Variants in PLAA observed in about 807,000 individuals in gnomAD.
The protein encoded by PLAA is phospholipase A-2-activating protein.
Under a neutral mutation model 84.1 loss-of-function variants are expected in PLAA, and 48 were observed. The ratio of observed to expected loss-of-function variants is 0.57; its 90% CI spans 0.45 to 0.73. The LOEUF (loss-of-function observed/expected upper bound fraction) is 0.73, where lower values mean the gene tolerates loss of function less well. Ranked by LOEUF, PLAA falls within the 30% of genes least tolerant of loss-of-function variation. The probability of loss-of-function intolerance (pLI) is 0.00; values close to 1 mark genes in which losing one functional copy is unlikely to be tolerated. For missense variants in PLAA, 903 were observed against 954.7 expected, an observed-to-expected ratio of 0.95 and a Z score of 0.71; for synonymous variants, 392 against 336.6, an observed-to-expected ratio of 1.16 and a Z score of -1.80.
chr9:26,943,747 G>C (rs1825609296), intron 1 of PLAA, among the ~76,000 whole-genome samples: 4 of 152,016 alleles, frequency 2.6e-5, no homozygotes, highest in Admixed American at 2.6e-4. Flanking sequence ...AGGAGTTTGA[G>C]ACCAGCCTGG....
At chr9:26,941,615 A>G (rs1331365510) in intron 1 of PLAA, among the ~76,000 whole-genome samples, 1 of 152,214 alleles carries the variant, frequency 6.6e-6, no homozygotes, top group Admixed American at 6.5e-5. Context: ...ACCAATATGG[A>G]GGAAAACAGA....
intron 10 of PLAA, 97 bp from the exon 11 acceptor site, chr9:26,914,044 A>G (rs1824479216): frequency 4.8e-6 from 4 of 835,154 alleles, no homozygotes; most frequent in South Asian, 1.5e-5. Flanking sequence ...CACACTTCAC[A>G]ATGGCGTCAT....
At position 26,928,379 on chromosome 9, in the gene PLAA, T is replaced by A. The variant is rs1000305857; in HGVS notation, c.373A>T (p.Thr125Ser). ...VCSLSSGKFG[T>S]LLSGSWDTTA... is the part of the protein sequence containing the mutation. Reference sequence around the variant, plus strand: ...GTGTCCCATGAACCACTAAGTAATGTCCCAAATTTTCCAGATGATAGACTA... The same window carrying A: ...GTGTCCCATGAACCACTAAGTAATGACCCAAATTTTCCAGATGATAGACTA... The change falls in exon 3 of 14, where the codon ACA (threonine) becomes TCA (serine). Residue 125 changes from threonine (T) to serine (S), a missense_variant. Transcript: ENST00000397292. 4 of 1,613,380 alleles carry A rather than the reference T, an allele frequency of 2.5e-6. No homozygotes were observed. Among genetic ancestry groups the A allele is most frequent in the Non-Finnish European group, 3.4e-6 (4 of 1,179,414 alleles).
At chr9:26,926,628 C>A in intron 4 of PLAA, 68 bp from the exon 5 acceptor site, 1 of 1,143,444 alleles carries the variant, frequency 8.7e-7, no homozygotes, top group Admixed American at 2.1e-5. Context: ...ATACATTTTA[C>A]TAACATTATA....
chr9:26,946,350 T>TG lies in PLAA; in HGVS notation c.149+546dup, dbSNP rs1487919434. On this transcript the variant is annotated intron_variant, in intron 1 of 13. Coordinates refer to ENST00000397292, the MANE Select transcript of PLAA (RefSeq NM_001031689.3). ...CTGCTTCTCCTCAAGAAACAGCACATGCACAGAAACAAAACATCCGAGAGG... is the reference window on the plus strand; with the variant it reads ...CTGCTTCTCCTCAAGAAACAGCACATGGCACAGAAACAAAACATCCGAGAGG... Among the ~76,000 whole-genome samples, 3 of 151,712 alleles carry TG rather than the reference T, an allele frequency of 2.0e-5. No homozygotes were observed. In the East Asian group the frequency reaches 5.8e-4, roughly 29 times the overall value.
chr9:26,908,568 C>A (rs1473031109), intron 12 of PLAA, among the ~76,000 whole-genome samples: 2 of 151,940 alleles, frequency 1.3e-5, no homozygotes, highest in Admixed American at 6.6e-5. Flanking sequence ...GATTTTCAAG[C>A]GATTCTCCTG....
At chr9:26,923,841 T>C (rs1168704773) in intron 6 of PLAA, among the ~76,000 whole-genome samples, 1 of 152,202 alleles carries the variant, frequency 6.6e-6, no homozygotes, top group East Asian at 1.9e-4. Context: ...TGGCCGTCCT[T>C]AACCTCTTTT....
chr9:26,942,386 G>C (rs1825568787), intron 1 of PLAA, among the ~76,000 whole-genome samples: 1 of 152,150 alleles, frequency 6.6e-6, no homozygotes, highest in Non-Finnish European at 1.5e-5. Context: ...TGTCAGGAGA[G>C]GAAATTGTAA....
At chr9:26,918,913 CAT>C (rs143444588) in intron 9 of PLAA, among the ~76,000 whole-genome samples, 5,792 of 152,246 alleles carry the variant, frequency 0.038, 127 homozygotes, top group Middle Eastern at 0.065. Context: ...ATACACATCA[CAT>C]ATAAACTAAA....
chr9:26,917,576 G>T (rs1824602000), intron 9 of PLAA, among the ~76,000 whole-genome samples: 2 of 152,286 alleles, frequency 1.3e-5, no homozygotes, highest in Middle Eastern at 6.8e-3. Context: ...ATCATTTAGA[G>T]CTCTAGGTTC....
chr9:26,910,940 T>C lies in PLAA; in HGVS notation c.1556-501A>G, dbSNP rs575583317. On this transcript the variant is annotated intron_variant, in intron 11 of 13. Coordinates refer to ENST00000397292, the MANE Select transcript of PLAA (RefSeq NM_001031689.3). Reference sequence around the variant, plus strand: ...TGATCTCTCCTTTTATGTCTTTTACTGCTTATTCCAAAGGATGTAGTAGGT... The same window carrying C: ...TGATCTCTCCTTTTATGTCTTTTACCGCTTATTCCAAAGGATGTAGTAGGT... Among the ~76,000 whole-genome samples the C allele has an allele frequency of 1.1e-4, 17 of 152,364 alleles. No individual in the cohort carries two copies. The East Asian group carries it at 2.3e-3, about 21-fold the overall frequency.
At chr9:26,919,592 AT>A in intron 8 of PLAA, 63 bp from the exon 9 acceptor site, 1 of 874,596 alleles carries the variant, frequency 1.1e-6, no homozygotes, top group Non-Finnish European at 1.9e-6. Context: ...TTAATGACAT[AT>A]ACAACATAAC....
At chr9:26,937,073 G>A (rs189991489) in intron 1 of PLAA, among the ~76,000 whole-genome samples, 1 of 152,172 alleles carries the variant, frequency 6.6e-6, no homozygotes, top group African/African-American at 2.4e-5. Flanking sequence ...CCCGGGAGGA[G>A]AAGGTTGCAG....
intron 11 of PLAA, among the ~76,000 whole-genome samples, chr9:26,911,766 A>C (rs1824406641): frequency 6.6e-6 from 1 of 152,206 alleles, no homozygotes; most frequent in South Asian, 2.1e-4. Context: ...TTCAAATCTT[A>C]ATCAATTTAA....
At position 26,919,505 on chromosome 9, in the gene PLAA, C is replaced by T; in HGVS notation, c.1222G>A (p.Asp408Asn). The change falls in exon 9 of 14, where the codon GAT (aspartate) becomes AAT (asparagine). Residue 408 changes from aspartate to asparagine, a missense_variant. Physicochemically the swap from Asp to Asn is conservative, Grantham distance 23. Transcript: ENST00000397292. Reference protein sequence around the residue: ...GKEFDYVFSIDVNEGGPSYKL... With the variant: ...GKEFDYVFSINVNEGGPSYKL... ...TATGATGGTCCACCTTCATTGACAT[C>T]AATTGAGAAAACATAATCAAATTCC... 6.2e-7 allele frequency: 1 copy of T among 1,601,640 alleles called. No homozygotes were observed. The highest frequency in any genetic ancestry group is 1.1e-5 in the South Asian group (1 of 90,556).
At chr9:26,930,581 A>AT (rs35790139) in intron 2 of PLAA, among the ~76,000 whole-genome samples, 1,999 of 139,142 alleles carry the variant, frequency 0.014, 42 homozygotes, top group African/African-American at 0.046. Flanking sequence ...CATCACTGAG[A>AT]TTTTTTTTTT....
Position 26,946,810 on chromosome 9 carries a change from G to A in PLAA, c.149+87C>T. 2.8e-6 allele frequency: 4 copies of A among 1,410,326 alleles called. No individual in the cohort carries two copies. The South Asian group carries it at 4.2e-5, about 15-fold the overall frequency. 87.4% of individuals were successfully genotyped at this position (1,410,326 alleles called of 1,614,324 possible). A position where few individuals can be genotyped will look rare whatever the true frequency, so the allele number is the denominator to read the frequency against. The stretch of plus-strand genomic sequence containing the variant: ...GGGAAGGCTGGGGGGAGAGAGAGAC[G>A]GCAGGACTGACAGGGAAGGGTCACT... On this transcript the variant is annotated intron_variant, in intron 1 of 13. Transcript: ENST00000397292.
At chr9:26,912,068 T>C (rs776220994) in intron 11 of PLAA, among the ~76,000 whole-genome samples, 1 of 152,130 alleles carries the variant, frequency 6.6e-6, no homozygotes, top group African/African-American at 2.4e-5. Context: ...AAAAGTTCCC[T>C]GATGGAAAAG....
At chr9:26,918,087 T>C (rs1229275741) in intron 9 of PLAA, among the ~76,000 whole-genome samples, 1 of 152,232 alleles carries the variant, frequency 6.6e-6, no homozygotes, top group African/African-American at 2.4e-5. Context: ...AATTCAGTAG[T>C]AAGTTACTTT....
Sources: allele counts gnomAD v4.1 joint callset (sites outside exome capture counted in the v4.1 genomes callset), GRCh38; gene constraint gnomAD v4.1.1; transcripts MANE v1.5; gene names NCBI Gene and HGNC (gene_info 2026-07-23, HGNC 2026-07-21).